Variants in SYT14 observed in about 807,000 individuals in gnomAD.
The protein encoded by SYT14 is synaptotagmin-14.
SYT14 carries 32 observed loss-of-function variants against 74.2 expected under a neutral mutation model. The observed-to-expected ratio is 0.43, with a 90% CI of 0.33 to 0.58. SYT14 has a LOEUF of 0.58. Ranked by LOEUF, SYT14 falls within the 20% of genes least tolerant of loss-of-function variation. The pLI is 0.05. For synonymous variants in SYT14, 298 were observed against 337.7 expected, an observed-to-expected ratio of 0.88 and a Z score of 1.29; for missense variants, 791 against 981.8, an observed-to-expected ratio of 0.81 and a Z score of 2.60.
At chr1:210,146,860 T>C (rs1446542699) in intron 7 of SYT14, among the ~76,000 whole-genome samples, 1 of 151,646 alleles carries the variant, frequency 6.6e-6, no homozygotes, top group African/African-American at 2.4e-5. Flanking sequence ...ACATATATAC[T>C]ATATGTATGT....
intron 7 of SYT14, among the ~76,000 whole-genome samples, chr1:210,114,709 C>T (rs969635129): frequency 6.6e-6 from 1 of 151,090 alleles, no homozygotes; most frequent in African/African-American, 2.5e-5. Context: ...CCTTTAGCTC[C>T]AGCCACCTCT....
chr1:209,958,171 AT>A (rs1471547423), intron 2 of SYT14, among the ~76,000 whole-genome samples: 2 of 152,230 alleles, frequency 1.3e-5, no homozygotes, highest in East Asian at 3.9e-4. Context: ...TATTCCAAAC[AT>A]TTCCCACTGA....
chr1:209,942,172 G>A (rs773350355), intron 1 of SYT14, among the ~76,000 whole-genome samples: 2 of 152,022 alleles, frequency 1.3e-5, no homozygotes, highest in Admixed American at 6.6e-5. Flanking sequence ...TCTGAACATC[G>A]TCATCATAAA....
At chr1:210,051,381 T>C (rs1325899950) in intron 5 of SYT14, among the ~76,000 whole-genome samples, 1 of 152,252 alleles carries the variant, frequency 6.6e-6, no homozygotes, top group African/African-American at 2.4e-5. Context: ...TATAGTTCAC[T>C]TCACACTTTT....
chr1:210,103,584 A>G (rs1418603855), intron 7 of SYT14, among the ~76,000 whole-genome samples: 1 of 151,150 alleles, frequency 6.6e-6, no homozygotes, highest in Non-Finnish European at 1.5e-5. Flanking sequence ...TAACATTAAG[A>G]TATAGTTTGA....
intron 5 of SYT14, among the ~76,000 whole-genome samples, chr1:210,022,111 A>T (rs2080315496): frequency 6.6e-6 from 1 of 152,188 alleles, no homozygotes; most frequent in African/African-American, 2.4e-5. Context: ...TTTTATCATT[A>T]TACATAAACA....
chr1:209,949,442 A>T (rs7518683), intron 1 of SYT14, among the ~76,000 whole-genome samples: 1 of 151,908 alleles, frequency 6.6e-6, no homozygotes, highest in African/African-American at 2.4e-5. Flanking sequence ...GCCTGGTGGC[A>T]TGTGCCTGTA....
intron 2 of SYT14, among the ~76,000 whole-genome samples, chr1:210,000,488 A>ACG (rs2079876529): frequency 6.6e-6 from 1 of 151,666 alleles, no homozygotes; most frequent in East Asian, 1.9e-4. Context: ...ACACACACAC[A>ACG]CACACACACA....
intron 7 of SYT14, among the ~76,000 whole-genome samples, chr1:210,126,308 C>G (rs538072399): frequency 6.6e-6 from 1 of 151,714 alleles, no homozygotes; most frequent in Admixed American, 6.6e-5. Flanking sequence ...AACACGTTTA[C>G]CCCTGAGATA....
chr1:209,968,552 C>T (rs1294155269), intron 2 of SYT14, among the ~76,000 whole-genome samples: 1 of 151,954 alleles, frequency 6.6e-6, no homozygotes, highest in Non-Finnish European at 1.5e-5. Context: ...CCTTTCCCAC[C>T]TCCACCCAAC....
At chr1:210,074,293 G>A (rs879334452) in intron 5 of SYT14, among the ~76,000 whole-genome samples, 6 of 152,160 alleles carry the variant, frequency 3.9e-5, no homozygotes, top group Non-Finnish European at 8.8e-5. Context: ...TACAATTCCT[G>A]ATTTACAGAT....
At chr1:210,085,458 G>A (rs58166962) in intron 5 of SYT14, among the ~76,000 whole-genome samples, 1 of 152,048 alleles carries the variant, frequency 6.6e-6, no homozygotes, top group Non-Finnish European at 1.5e-5. Flanking sequence ...TGATCTCAGA[G>A]GTAAAACTTT....
intron 2 of SYT14, among the ~76,000 whole-genome samples, chr1:209,960,385 C>T (rs935308283): frequency 6.6e-6 from 1 of 151,968 alleles, no homozygotes; most frequent in African/African-American, 2.4e-5. Context: ...AAATATATGC[C>T]TTTTTTTAAA....
At chr1:210,149,358 T>C (rs2083112671) in intron 7 of SYT14, among the ~76,000 whole-genome samples, 2 of 151,818 alleles carry the variant, frequency 1.3e-5, no homozygotes, top group Non-Finnish European at 2.9e-5. Flanking sequence ...CTAATTTTTG[T>C]ATTTTTAGTA....
At chr1:210,150,925 C>T (rs1398863573) in intron 7 of SYT14, among the ~76,000 whole-genome samples, 2 of 152,016 alleles carry the variant, frequency 1.3e-5, no homozygotes, top group East Asian at 3.9e-4. Flanking sequence ...AAGCTTCCAC[C>T]TGATTTTAAC....
intron 1 of SYT14, among the ~76,000 whole-genome samples, chr1:209,939,922 C>G (rs1327592689): frequency 6.6e-6 from 1 of 152,092 alleles, no homozygotes; most frequent in African/African-American, 2.4e-5. Context: ...GATTCATTTT[C>G]CATGTCACCT....
rs528627393 is a variant in SYT14, at chr1:210,024,514, C to T, written c.1312+3260C>T. 9.9e-5 allele frequency among the ~76,000 whole-genome samples: 15 copies of T among 152,066 alleles called. 1 individual carries two copies. The South Asian group carries it at 3.1e-3, about 32-fold the overall frequency. ...GATGTCATTAATATAAATATGAAAT[C>T]CAGAGAGGGACCTGTGTTTGGTTGG... On this transcript the variant is annotated intron_variant, in intron 5 of 9. Transcript: ENST00000637265.
intron 5 of SYT14, among the ~76,000 whole-genome samples, chr1:210,065,852 A>T (rs2081285589): frequency 6.6e-6 from 1 of 151,352 alleles, no homozygotes; most frequent in Non-Finnish European, 1.5e-5. Context: ...CATTAGGTAT[A>T]TCTCCTAATG....
intron 5 of SYT14, among the ~76,000 whole-genome samples, chr1:210,043,539 C>G (rs1440417555): frequency 1.3e-5 from 2 of 152,176 alleles, no homozygotes; most frequent in African/African-American, 2.4e-5. Context: ...TCTCTACTAC[C>G]GTGGTAACAC....
Sources: allele counts gnomAD v4.1 joint callset (sites outside exome capture counted in the v4.1 genomes callset), GRCh38; gene constraint gnomAD v4.1.1; transcripts MANE v1.5; gene names NCBI Gene and HGNC (gene_info 2026-07-23, HGNC 2026-07-21).